Variants in CACNG2 observed in about 807,000 individuals in gnomAD.
The protein encoded by CACNG2 is voltage-dependent calcium channel gamma-2 subunit.
A neutral mutation model predicts 25.9 loss-of-function variants in CACNG2; 3 were observed. The ratio of observed to expected loss-of-function variants is 0.12; its 90% CI spans 0.05 to 0.30. CACNG2 has a LOEUF of 0.30. CACNG2 is among the 10% of genes least tolerant of loss of function. The pLI, the probability that CACNG2 is intolerant of heterozygous loss-of-function variation, is 1.00. For missense variants in CACNG2, 341 were observed against 432.5 expected, an observed-to-expected ratio of 0.79 and a Z score of 1.88; for synonymous variants, 167 against 173.3, an observed-to-expected ratio of 0.96 and a Z score of 0.29.
chr22:36,651,590 A>C (rs965996105), intron 1 of CACNG2, among the ~76,000 whole-genome samples: 2 of 152,176 alleles, frequency 1.3e-5, no homozygotes, highest in Non-Finnish European at 2.9e-5. Context: ...CCTGCAAATT[A>C]TGTTAGTTGA....
Position 36,564,553 on chromosome 22 carries a change from A to T in CACNG2, c.770T>A (p.Ile257Asn). 1.2e-6 allele frequency: 2 copies of T among 1,614,060 alleles called. No homozygotes were observed. The highest frequency in any genetic ancestry group is 1.1e-5 in the South Asian group (1 of 91,080). ...GGACGGCAGGGTGTTGAAGCCCTTG[A>T]TGCCCACGGGGGAGGCGTCCCTGGA... ...SHSRDASPVG[I>N]KGFNTLPSTE... The change falls in exon 4 of 4, where the codon ATC (isoleucine) becomes AAC (asparagine). Residue 257 changes from isoleucine (I) to asparagine (N), a missense_variant. By Grantham distance (149) the Ile-to-Asn change is moderately radical. This residue lies in a region of CACNG2 where 172 missense variants were observed against 178.1 expected (regional missense o/e 0.97). Coordinates refer to ENST00000300105, the MANE Select transcript of CACNG2 (RefSeq NM_006078.5). The surrounding 1 kb of genome is among the most constrained non-coding windows in gnomAD (Gnocchi z 6.7).
chr22:36,659,841 C>T (rs1264312975), intron 1 of CACNG2, among the ~76,000 whole-genome samples: 1 of 152,126 alleles, frequency 6.6e-6, no homozygotes, highest in Non-Finnish European at 1.5e-5. Context: ...AGCCTGCCAC[C>T]CCCGAGAGGA....
At chr22:36,636,290 C>A (rs187459646) in intron 1 of CACNG2, among the ~76,000 whole-genome samples, 2 of 152,278 alleles carry the variant, frequency 1.3e-5, no homozygotes, top group Non-Finnish European at 2.9e-5. Context: ...ACTTTACAAG[C>A]CCGTTCCTTC....
intron 1 of CACNG2, among the ~76,000 whole-genome samples, chr22:36,626,215 C>T (rs530028449): frequency 4.0e-4 from 61 of 152,290 alleles, no homozygotes; most frequent in South Asian, 1.4e-3. Flanking sequence ...CCACCGCACC[C>T]GGCGACACCT....
chr22:36,639,342 A>G (rs1304890470), intron 1 of CACNG2, among the ~76,000 whole-genome samples: 1 of 152,224 alleles, frequency 6.6e-6, no homozygotes, highest in Non-Finnish European at 1.5e-5. Context: ...CTTCCTAAGA[A>G]GTGGTAGGTA....
chr22:36,631,225 G>A lies in CACNG2; in HGVS notation c.212-43677C>T, dbSNP rs898674365. On this transcript the variant is annotated intron_variant, in intron 1 of 3. Coordinates refer to ENST00000300105, the MANE Select transcript of CACNG2 (RefSeq NM_006078.5). ...AGGACAAGGGAGCTCCTGTTCCCTG[G>A]GTTCTGGAAGTTCACAGATGGTGTT... is the stretch of plus-strand genomic sequence containing the variant. Among the ~76,000 whole-genome samples, 12 of 152,216 alleles carry A rather than the reference G, an allele frequency of 7.9e-5. No homozygotes were observed. In the Middle Eastern group the frequency reaches 0.014, roughly 173 times the overall value.
In CACNG2 at chr22:36,563,267, G is replaced by T. The variant is rs1453477668; in HGVS notation, c.*1084C>A. On this transcript the variant is annotated 3_prime_UTR_variant, in exon 4 of 4. Transcript: ENST00000300105. ...AGGGTCAATGAACCCCCTTCCCAGGGGACTGGGGGGCTTATGAGTCAGGGG... is the reference window on the plus strand; with the variant it reads ...AGGGTCAATGAACCCCCTTCCCAGGTGACTGGGGGGCTTATGAGTCAGGGG... Among the ~76,000 whole-genome samples, 2 of 152,104 alleles carry T rather than the reference G, an allele frequency of 1.3e-5. No individual in the cohort carries two copies. The highest frequency in any genetic ancestry group is 2.9e-5 in the Non-Finnish European group (2 of 67,996).
Position 36,609,546 on chromosome 22 carries a change from G to A in CACNG2, c.212-21998C>T, listed in dbSNP as rs186506266. Among the ~76,000 whole-genome samples, 324 of 135,576 alleles carry A rather than the reference G, an allele frequency of 2.4e-3. 4 individuals are homozygous for A. The highest frequency in any genetic ancestry group is 8.6e-3 in the African/African-American group (305 of 35,474). 88.9% of individuals were successfully genotyped at this position (135,576 alleles called of 152,430 possible). A position where few individuals can be genotyped will look rare whatever the true frequency, so the allele number is the denominator to read the frequency against. On this transcript the variant is annotated intron_variant, in intron 1 of 3. Coordinates refer to ENST00000300105, the MANE Select transcript of CACNG2 (RefSeq NM_006078.5). The stretch of plus-strand genomic sequence containing the variant: ...TGATCGGGCAGGAATCAGCCCCCCA[G>A]AGCGTGATTGGGCAGGAATCAGCCC...
chr22:36,682,696 G>A (rs1937141218), intron 1 of CACNG2, among the ~76,000 whole-genome samples: 1 of 152,060 alleles, frequency 6.6e-6, no homozygotes, highest in Non-Finnish European at 1.5e-5. Flanking sequence ...ACCAAATGAA[G>A]CCAACACAAT....
intron 1 of CACNG2, among the ~76,000 whole-genome samples, chr22:36,693,308 G>C (rs914701971): frequency 2.6e-5 from 4 of 152,146 alleles, no homozygotes; most frequent in Admixed American, 6.5e-5. Flanking sequence ...TGTTATGCTG[G>C]GAAGTGAGAA....
intron 2 of CACNG2, among the ~76,000 whole-genome samples, chr22:36,582,983 T>C (rs1935444420): frequency 6.6e-6 from 1 of 151,846 alleles, no homozygotes; most frequent in Non-Finnish European, 1.5e-5. Context: ...TCATGGACCT[T>C]GTGACTTCAT....
intron 1 of CACNG2, among the ~76,000 whole-genome samples, chr22:36,627,728 T>C (rs1936205378): frequency 6.6e-6 from 1 of 151,362 alleles, no homozygotes; most frequent in Non-Finnish European, 1.5e-5. Context: ...GCTTAAGCCA[T>C]CCTCCCGCCT....
At chr22:36,694,664 A>G (rs1937310864) in intron 1 of CACNG2, among the ~76,000 whole-genome samples, 1 of 152,126 alleles carries the variant, frequency 6.6e-6, no homozygotes, top group Non-Finnish European at 1.5e-5. Context: ...AAACAGAGCC[A>G]TTTTGCAAGA....
At chr22:36,601,326 A>G (rs1935750798) in intron 1 of CACNG2, among the ~76,000 whole-genome samples, 1 of 152,160 alleles carries the variant, frequency 6.6e-6, no homozygotes, top group Non-Finnish European at 1.5e-5. Flanking sequence ...GTTGTGGCAA[A>G]TGACAGATCT....
At chr22:36,587,325 C>T (rs117905839) in intron 2 of CACNG2, 140 bp downstream of exon 2, 87 of 743,280 alleles carry the variant, frequency 1.2e-4, no homozygotes, top group African/African-American at 6.0e-4. Flanking sequence ...GTCTGTACTC[C>T]GGAAAGGAGA....
At chr22:36,679,193 C>CCTTCCTTCCTTTCTTT (rs1937059663) in intron 1 of CACNG2, among the ~76,000 whole-genome samples, 3 of 49,240 alleles carry the variant, frequency 6.1e-5, no homozygotes, top group African/African-American at 2.5e-4. Context: ...TTCCTTCCTT[C>CCTTCCTTCCTTTCTTT]CTTCCTTTCT....
chr22:36,665,365 C>A (rs905968581), intron 1 of CACNG2, among the ~76,000 whole-genome samples: 1 of 152,160 alleles, frequency 6.6e-6, no homozygotes, highest in Non-Finnish European at 1.5e-5. Flanking sequence ...TGAAGTAGTG[C>A]CAGACTCATA....
intron 1 of CACNG2, among the ~76,000 whole-genome samples, chr22:36,621,619 G>A (rs1023155584): frequency 2.0e-5 from 3 of 151,490 alleles, no homozygotes; most frequent in Non-Finnish European, 4.4e-5. Flanking sequence ...GTGTGTGCAT[G>A]CATGCATACA....
chr22:36,673,458 A>G (rs1360804873), intron 1 of CACNG2, among the ~76,000 whole-genome samples: 1 of 152,190 alleles, frequency 6.6e-6, no homozygotes, highest in African/African-American at 2.4e-5. Context: ...TATGAAGAAA[A>G]CACCTCGCAG....
Sources: allele counts gnomAD v4.1 joint callset (sites outside exome capture counted in the v4.1 genomes callset), GRCh38; gene constraint gnomAD v4.1.1; regional missense constraint gnomAD v4.1.1; non-coding constraint Gnocchi (gnomAD v3.1); transcripts MANE v1.5; gene names NCBI Gene and HGNC (gene_info 2026-07-23, HGNC 2026-07-21).